GRAMD2B: variants seen among roughly 807,000 people sequenced by gnomAD.
GRAMD2B encodes GRAM domain containing 2B.
GRAMD2B carries 41 observed loss-of-function variants against 59.2 expected under a neutral mutation model. The ratio of observed to expected loss-of-function variants is 0.69; its 90% CI spans 0.54 to 0.90. The LOEUF (loss-of-function observed/expected upper bound fraction) is 0.90. GRAMD2B is among the 40% of genes least tolerant of loss of function. GRAMD2B has a pLI of 0.00. For synonymous variants in GRAMD2B, 161 were observed against 182.7 expected (o/e 0.88, Z 0.96); for missense variants, 424 against 500.5 (o/e 0.85, Z 1.46).
intron 2 of GRAMD2B, 51 bp downstream of exon 2, chr5:126,465,596 G>T: frequency 6.4e-7 from 1 of 1,554,996 alleles, no homozygotes; most frequent in Non-Finnish European, 8.8e-7. Context: ...TGGGGAGAAG[G>T]CGTTACAGGA....
chr5:126,486,709 T>C (rs1773004030), intron 11 of GRAMD2B, among the ~76,000 whole-genome samples, 164 bp from the exon 12 acceptor site: 1 of 152,204 alleles, frequency 6.6e-6, no homozygotes, highest in South Asian at 2.1e-4. Context: ...GTAAGTTTTA[T>C]AACAAGCATC....
chr5:126,473,320 A>G lies in GRAMD2B; in HGVS notation c.438A>G (p.Ser146=), dbSNP rs1473428087. The change falls in exon 5 of 14, where the codon TCA becomes TCG. Residue 146 remains serine (S), a synonymous_variant. Transcript: ENST00000285689. Reference sequence around the variant, plus strand: ...TATACCAAGGAAAGCTCTTTGTATCAGAAAACTGGATTTGTTTTCATTCCA... The same window carrying G: ...TATACCAAGGAAAGCTCTTTGTATCGGAAAACTGGATTTGTTTTCATTCCA... ...EILYQGKLFV[S]ENWICFHSKV... 1.3e-6 allele frequency: 2 copies of G among 1,545,556 alleles called. No homozygotes were observed. Among genetic ancestry groups the G allele is most frequent in the African/African-American group, 1.4e-5 (1 of 71,872 alleles).
chr5:126,417,230 G>A (rs754633696), intron 1 of GRAMD2B, among the ~76,000 whole-genome samples: 2 of 152,228 alleles, frequency 1.3e-5, no homozygotes, highest in Non-Finnish European at 2.9e-5. Context: ...AGAGAATGCA[G>A]CATAGGAAAA....
At chr5:126,383,224 T>A (rs1254306109) in intron 1 of GRAMD2B, among the ~76,000 whole-genome samples, 18 of 152,212 alleles carry the variant, frequency 1.2e-4, no homozygotes, top group Non-Finnish European at 7.4e-5. Flanking sequence ...TTTGAACAGA[T>A]AAAAAATTCA....
intron 10 of GRAMD2B, among the ~76,000 whole-genome samples, chr5:126,485,137 G>A (rs1772657371): frequency 6.6e-6 from 1 of 151,820 alleles, no homozygotes; most frequent in African/African-American, 2.4e-5. Flanking sequence ...AGGATTGCTT[G>A]AGTCCAAGGA....
intron 1 of GRAMD2B, chr5:126,464,962 T>G (rs1768024881): frequency 1.5e-6 from 1 of 676,870 alleles, no homozygotes; most frequent in Non-Finnish European, 1.8e-6. Flanking sequence ...TGTAAATTGC[T>G]TAGGGAACTG....
rs753267122 is a variant in GRAMD2B at position 126,483,454 on chromosome 5, T to A, written c.736-9T>A. 8 of 1,558,844 alleles carry A rather than the reference T, an allele frequency of 5.1e-6. No individual in the cohort carries two copies. In the South Asian group the frequency reaches 6.7e-5, roughly 13 times the overall value. On this transcript the variant is annotated splice_polypyrimidine_tract_variant and intron_variant, in intron 8 of 13. Coordinates refer to ENST00000285689, the MANE Select transcript of GRAMD2B (RefSeq NM_023927.4). Reference sequence around the variant, plus strand: ...ATCAGCCTGTCTTCATTTCACTGTTTCCTTTCAGGATTTCAATGATGAATT... The same window carrying A: ...ATCAGCCTGTCTTCATTTCACTGTTACCTTTCAGGATTTCAATGATGAATT...
intron 1 of GRAMD2B, among the ~76,000 whole-genome samples, chr5:126,411,717 G>T (rs556219482): frequency 7.9e-5 from 12 of 151,906 alleles, no homozygotes; most frequent in Non-Finnish European, 1.5e-4. Flanking sequence ...TAACAATATT[G>T]ATTTTTCCAA....
At chr5:126,461,836 C>G (rs998540466) in intron 1 of GRAMD2B, among the ~76,000 whole-genome samples, 4 of 152,128 alleles carry the variant, frequency 2.6e-5, no homozygotes, top group African/African-American at 9.7e-5. Flanking sequence ...AATGCTCTCC[C>G]CTAATAGGTG....
intron 1 of GRAMD2B, among the ~76,000 whole-genome samples, chr5:126,385,188 A>G (rs1487192978): frequency 6.6e-6 from 1 of 152,218 alleles, no homozygotes; most frequent in Non-Finnish European, 1.5e-5. Context: ...TAGGGAGAAT[A>G]GCAAGTGGCA....
At chr5:126,468,018 A>G (rs1768785677) in intron 2 of GRAMD2B, among the ~76,000 whole-genome samples, 1 of 152,062 alleles carries the variant, frequency 6.6e-6, no homozygotes, top group South Asian at 2.1e-4. Flanking sequence ...CTTTGAACCA[A>G]TTTTTTTTAA....
Position 126,484,518 on chromosome 5 carries a change from G to GT in GRAMD2B, c.965dup (p.Gln323ThrfsTer12). On this transcript the variant is annotated frameshift_variant, in exon 10 of 14. Coordinates refer to ENST00000285689, the MANE Select transcript of GRAMD2B (RefSeq NM_023927.4). LOFTEE classifies it high-confidence loss of function. Reference sequence around the variant, plus strand: ...TGAAGGAAAAGCCAAGAGTCTCCCTGTACAGGGTAAGGAATGGATGTCTCA... The same window carrying GT: ...TGAAGGAAAAGCCAAGAGTCTCCCTGTTACAGGGTAAGGAATGGATGTCTCA... The GT allele has an allele frequency of 6.2e-7, 1 of 1,613,198 alleles. No homozygotes were observed. The highest frequency in any genetic ancestry group is 8.5e-7 in the Non-Finnish European group (1 of 1,179,752).
intron 8 of GRAMD2B, among the ~76,000 whole-genome samples, chr5:126,482,891 A>T (rs901281666): frequency 6.6e-6 from 1 of 152,106 alleles, no homozygotes; most frequent in Non-Finnish European, 1.5e-5. Context: ...TTTTTACCTT[A>T]CTCCTACATC....
intron 1 of GRAMD2B, among the ~76,000 whole-genome samples, chr5:126,401,239 T>C: frequency 6.6e-6 from 1 of 152,060 alleles, no homozygotes; most frequent in Non-Finnish European, 1.5e-5. Context: ...AAGCTCTCTA[T>C]TGAATTTTTC....
chr5:126,430,800 A>G (rs539820399), intron 1 of GRAMD2B, among the ~76,000 whole-genome samples: 2 of 152,344 alleles, frequency 1.3e-5, no homozygotes, highest in African/African-American at 4.8e-5. Context: ...CATCTGTTGA[A>G]TGTTGACTAA....
chr5:126,426,289 C>A (rs996706793), intron 1 of GRAMD2B, among the ~76,000 whole-genome samples: 8 of 151,866 alleles, frequency 5.3e-5, no homozygotes, highest in African/African-American at 1.7e-4. Flanking sequence ...TACTGCTATT[C>A]CTTTCCCCTC....
intron 1 of GRAMD2B, among the ~76,000 whole-genome samples, chr5:126,382,999 C>G (rs536366022): frequency 6.6e-6 from 1 of 152,282 alleles, no homozygotes; most frequent in East Asian, 1.9e-4. Flanking sequence ...CTACCAGGCT[C>G]TGGGCCGATA....
At chr5:126,417,638 C>T (rs887273026) in intron 1 of GRAMD2B, among the ~76,000 whole-genome samples, 3 of 152,186 alleles carry the variant, frequency 2.0e-5, no homozygotes, top group African/African-American at 7.2e-5. Flanking sequence ...TGTTTTAAGC[C>T]ACCAGGTTTT....
intron 1 of GRAMD2B, among the ~76,000 whole-genome samples, chr5:126,443,893 A>T (rs1250294351): frequency 1.3e-5 from 2 of 152,124 alleles, no homozygotes; most frequent in Non-Finnish European, 2.9e-5. Context: ...CTACTAAAAA[A>T]TACCAAAAAT....
Sources: gnomAD v4.1 joint callset for allele counts (sites outside exome capture counted in the v4.1 genomes callset) on GRCh38, gnomAD v4.1.1 for gene constraint, MANE v1.5 for transcripts, NCBI Gene and HGNC (gene_info 2026-07-23, HGNC 2026-07-21) for gene names.